Variants in HS3ST4 observed in about 807,000 individuals in gnomAD.
HS3ST4 encodes heparan sulfate glucosamine 3-O-sulfotransferase 4.
In HS3ST4, 17 loss-of-function variants were observed where a neutral mutation model predicts 29.2. The observed-to-expected ratio is 0.58, with a 90% confidence interval of 0.40 to 0.87. The LOEUF (loss-of-function observed/expected upper bound fraction) is 0.87. Ranked by LOEUF, HS3ST4 falls within the 40% of genes least tolerant of loss-of-function variation. The pLI, the probability that HS3ST4 is intolerant of heterozygous loss-of-function variation, is 0.00. For synonymous variants in HS3ST4, 314 were observed against 285.7 expected, an observed-to-expected ratio of 1.10 and a Z score of -1.00; for missense variants, 627 against 634.5, an observed-to-expected ratio of 0.99 and a Z score of 0.13.
At chr16:26,064,491 G>A (rs1031697381) in intron 1 of HS3ST4, among the ~76,000 whole-genome samples, 3 of 152,034 alleles carry the variant, frequency 2.0e-5, no homozygotes, top group African/African-American at 7.2e-5. Context: ...GAAAAACACA[G>A]GGTACATAGG....
At chr16:25,933,997 C>T (rs1167992156) in intron 1 of HS3ST4, among the ~76,000 whole-genome samples, 1 of 152,206 alleles carries the variant, frequency 6.6e-6, no homozygotes, top group Admixed American at 6.5e-5. Flanking sequence ...CTGGTTTTCC[C>T]AGTGCCCATG....
At chr16:26,089,896 A>C (rs564580149) in intron 1 of HS3ST4, among the ~76,000 whole-genome samples, 1 of 152,318 alleles carries the variant, frequency 6.6e-6, no homozygotes, top group South Asian at 2.1e-4. Context: ...TGTAGACAAA[A>C]AGCATGACCC....
chr16:25,965,680 T>A (rs1160212602), intron 1 of HS3ST4, among the ~76,000 whole-genome samples: 1 of 152,194 alleles, frequency 6.6e-6, no homozygotes, highest in Non-Finnish European at 1.5e-5. Context: ...ACTGAAAAAT[T>A]TCCTTCTCAT....
intron 1 of HS3ST4, among the ~76,000 whole-genome samples, chr16:26,119,160 C>G (rs564519087): frequency 1.3e-5 from 2 of 152,284 alleles, no homozygotes; most frequent in African/African-American, 4.8e-5. Flanking sequence ...GCCCAAACAT[C>G]CCACACTAAA....
intron 1 of HS3ST4, among the ~76,000 whole-genome samples, chr16:25,853,804 C>T (rs1967545460): frequency 6.6e-6 from 1 of 152,008 alleles, no homozygotes; most frequent in Non-Finnish European, 1.5e-5. Flanking sequence ...GAAATATTGG[C>T]CTGTAATTTT....
chr16:25,762,900 GAAAA>G (rs1567234941), intron 1 of HS3ST4, among the ~76,000 whole-genome samples: 20 of 77,548 alleles, frequency 2.6e-4, no homozygotes, highest in Non-Finnish European at 2.8e-5. Flanking sequence ...AAAAAAAAAA[GAAAA>G]AAGAAAGAAA....
rs71385575 is a variant in HS3ST4, at chr16:25,828,221, CCTTT to C, written c.734+135089_734+135092del. On this transcript the variant is annotated intron_variant, in intron 1 of 1. Transcript: ENST00000331351. ...TCTTTCTTTCTTGCTTGCTTTCTTT[CCTTT>C]CTTTCTTTCTTTCTTTCTCTTTCTT... 1.6e-3 allele frequency among the ~76,000 whole-genome samples: 169 copies of C among 107,078 alleles called. 2 individuals carry two copies. Among genetic ancestry groups the C allele is most frequent in the Middle Eastern group, 6.1e-3 (1 of 164 alleles). 70.2% of individuals were successfully genotyped at this position (107,078 alleles called of 152,430 possible).
chr16:25,805,733 A>ACG (rs1966983571), intron 1 of HS3ST4, among the ~76,000 whole-genome samples: 2 of 152,194 alleles, frequency 1.3e-5, no homozygotes, highest in African/African-American at 4.8e-5. Flanking sequence ...TCTGGGGTAC[A>ACG]TGTGCAGGGT....
intron 1 of HS3ST4, among the ~76,000 whole-genome samples, chr16:25,853,923 A>G (rs1967546887): frequency 6.6e-6 from 1 of 152,146 alleles, no homozygotes; most frequent in Non-Finnish European, 1.5e-5. Context: ...AAGTGTGAGA[A>G]GGATTTATGT....
rs1245722597 is a variant in HS3ST4 at position 25,692,576 on chromosome 16, G to A, written c.159G>A (p.Leu53=). Residue 53 remains leucine (L), a synonymous_variant, in exon 1 of 2, where the codon CTG becomes CTA. Coordinates refer to ENST00000331351, the MANE Select transcript of HS3ST4 (RefSeq NM_006040.3). ...LSVTYLCYSL[L]GGSGSLQFPL... ...TCACCTACCTGTGCTACAGCCTCCTGGGCGGCTCGGGCTCCCTGCAATTCC... is the reference window on the plus strand; with the variant it reads ...TCACCTACCTGTGCTACAGCCTCCTAGGCGGCTCGGGCTCCCTGCAATTCC... 1.4e-6 allele frequency: 2 copies of A among 1,431,914 alleles called. No individual in the cohort carries two copies. The allele number at this position is 1,431,914 out of a possible 1,614,324, so 88.7% of individuals were successfully genotyped here. A position where few individuals can be genotyped will look rare whatever the true frequency, so the allele number is the denominator to read the frequency against.
At chr16:26,061,023 A>G (rs910604978) in intron 1 of HS3ST4, among the ~76,000 whole-genome samples, 1 of 152,112 alleles carries the variant, frequency 6.6e-6, no homozygotes, top group African/African-American at 2.4e-5. Flanking sequence ...CACTTATTAC[A>G]TGTTCCCATC....
chr16:25,803,838 G>C, intron 1 of HS3ST4, among the ~76,000 whole-genome samples: 1 of 152,182 alleles, frequency 6.6e-6, no homozygotes, highest in East Asian at 1.9e-4. Context: ...CAGCACCCCT[G>C]TTCCTTGGTA....
At chr16:25,914,278 G>A (rs1038771383) in intron 1 of HS3ST4, among the ~76,000 whole-genome samples, 1 of 150,816 alleles carries the variant, frequency 6.6e-6, no homozygotes, top group Non-Finnish European at 1.5e-5. Flanking sequence ...GGGTGTGTGT[G>A]GGTAGGGTGT....
chr16:26,040,743 G>A (rs952748988), intron 1 of HS3ST4, among the ~76,000 whole-genome samples: 2 of 152,014 alleles, frequency 1.3e-5, no homozygotes, highest in East Asian at 3.9e-4. Flanking sequence ...GTTGTGTTAT[G>A]GAAGTCATAA....
intron 1 of HS3ST4, among the ~76,000 whole-genome samples, chr16:26,056,978 T>G (rs1898416459): frequency 6.6e-6 from 1 of 152,202 alleles, no homozygotes; most frequent in African/African-American, 2.4e-5. Context: ...GTAGAATTGG[T>G]CCAGGTTGAG....
At chr16:25,902,800 A>G (rs74427355) in intron 1 of HS3ST4, among the ~76,000 whole-genome samples, 1 of 151,906 alleles carries the variant, frequency 6.6e-6, no homozygotes, top group Non-Finnish European at 1.5e-5. Flanking sequence ...AACAAAAAAA[A>G]CAACGTCTGG....
At chr16:25,787,480 A>G (rs1050220326) in intron 1 of HS3ST4, among the ~76,000 whole-genome samples, 2 of 152,184 alleles carry the variant, frequency 1.3e-5, no homozygotes, top group African/African-American at 4.8e-5. Context: ...GGCCCATTAC[A>G]ACATACCTGC....
At chr16:25,839,528 AC>A (rs1234807271) in intron 1 of HS3ST4, among the ~76,000 whole-genome samples, 3 of 152,350 alleles carry the variant, frequency 2.0e-5, no homozygotes, top group Admixed American at 6.5e-5. Flanking sequence ...CACCCTCCGG[AC>A]TAGCATTCTC....
intron 1 of HS3ST4, among the ~76,000 whole-genome samples, chr16:25,759,130 G>T (rs963417719): frequency 1.3e-5 from 2 of 152,196 alleles, no homozygotes; most frequent in Non-Finnish European, 2.9e-5. Context: ...GAGATAGTTT[G>T]CTTAGAATAG....
Sources: allele counts gnomAD v4.1 joint callset (sites outside exome capture counted in the v4.1 genomes callset), GRCh38; gene constraint gnomAD v4.1.1; transcripts MANE v1.5; gene names NCBI Gene and HGNC (gene_info 2026-07-23, HGNC 2026-07-21).